Variants in MCOLN2 observed in about 807,000 individuals in gnomAD.
MCOLN2 encodes mucolipin-2.
In MCOLN2, 57 loss-of-function variants were observed where a neutral mutation model predicts 67.5. That is an observed-to-expected ratio of 0.84 (90% CI 0.68 to 1.05). The LOEUF is 1.05. Ranked by LOEUF, MCOLN2 falls within the 50% of genes least tolerant of loss-of-function variation. The probability of loss-of-function intolerance (pLI) is 0.00; values close to 1 mark genes in which losing one functional copy is unlikely to be tolerated. For missense variants in MCOLN2, 620 were observed against 678.8 expected (o/e 0.91, Z 0.96); for synonymous variants, 246 against 233.3 (o/e 1.05, Z -0.50).
At chr1:84,942,040 C>T (rs966379723) in intron 7 of MCOLN2, among the ~76,000 whole-genome samples, 1 of 152,220 alleles carries the variant, frequency 6.6e-6, no homozygotes, top group Non-Finnish European at 1.5e-5. Context: ...GCTCTCACCT[C>T]AGGGACTTTG....
At chr1:84,965,450 A>AGTGT in intron 2 of MCOLN2, 99 bp downstream of exon 2, 1 of 1,296,532 alleles carries the variant, frequency 7.7e-7, no homozygotes, top group Non-Finnish European at 1.1e-6. Flanking sequence ...TATGAACTTG[A>AGTGT]GTGTGGGCTT....
At chr1:84,966,097 C>T (rs1449611706) in intron 1 of MCOLN2, among the ~76,000 whole-genome samples, 1 of 151,718 alleles carries the variant, frequency 6.6e-6, no homozygotes, top group East Asian at 1.9e-4. Context: ...TACTAAAATA[C>T]AAAAATTAGC....
chr1:84,926,864 G>A (rs147091184), intron 13 of MCOLN2, 143 bp from the exon 14 acceptor site: 812 of 468,042 alleles, frequency 1.7e-3, no homozygotes, highest in South Asian at 3.1e-3. Context: ...AATTAAGACA[G>A]GCAAGGTATT....
chr1:84,964,353 C>A (rs905312754), intron 2 of MCOLN2, among the ~76,000 whole-genome samples: 18 of 152,130 alleles, frequency 1.2e-4, no homozygotes, highest in African/African-American at 4.3e-4. Context: ...CTTTACACAC[C>A]TCTACACTGA....
At chr1:84,965,114 T>C (rs1649307375) in intron 2 of MCOLN2, among the ~76,000 whole-genome samples, 1 of 152,198 alleles carries the variant, frequency 6.6e-6, no homozygotes, top group African/African-American at 2.4e-5. Context: ...GTAGCTTTTG[T>C]ATAATCCTGA....
intron 1 of MCOLN2, among the ~76,000 whole-genome samples, chr1:84,987,470 A>ATAT (rs1491214806): frequency 1.0e-5 from 1 of 99,962 alleles, no homozygotes; most frequent in South Asian, 3.4e-4. Flanking sequence ...ATGTATATAT[A>ATAT]GATATATATA....
At chr1:84,941,030 T>C (rs1398029595) in intron 7 of MCOLN2, 39 bp from the exon 8 acceptor site, 1 of 1,291,370 alleles carries the variant, frequency 7.7e-7, no homozygotes. Context: ...AAACACACCT[T>C]ACCGGAGAAT....
intron 13 of MCOLN2, among the ~76,000 whole-genome samples, chr1:84,927,398 C>T (rs1156932444): frequency 2.6e-5 from 4 of 152,202 alleles, no homozygotes; most frequent in African/African-American, 7.2e-5. Context: ...TTCAACCAAG[C>T]ATCTCTCTCC....
chr1:84,964,870 G>A (rs1042127513), intron 2 of MCOLN2, among the ~76,000 whole-genome samples: 1 of 131,002 alleles, frequency 7.6e-6, no homozygotes, highest in Non-Finnish European at 1.7e-5. Context: ...GCCATGGGGA[G>A]CAGCTAAAAA....
At chr1:84,952,726 TA>T (rs1434930742) in intron 4 of MCOLN2, among the ~76,000 whole-genome samples, 196 bp from the exon 5 acceptor site, 1 of 152,168 alleles carries the variant, frequency 6.6e-6, no homozygotes, top group African/African-American at 2.4e-5. Flanking sequence ...GACACCACAC[TA>T]ACCAAGTGAT....
intron 2 of MCOLN2, among the ~76,000 whole-genome samples, chr1:84,964,768 C>T (rs192545118): frequency 7.2e-4 from 110 of 152,226 alleles, no homozygotes; most frequent in African/African-American, 2.5e-3. Context: ...CTAGATCCTT[C>T]GCATGTGCAG....
intron 8 of MCOLN2, 121 bp downstream of exon 8, chr1:84,940,758 G>A: frequency 1.6e-6 from 1 of 627,896 alleles, no homozygotes; most frequent in East Asian, 2.8e-5. Flanking sequence ...ACTACTCAAA[G>A]GAATCTGATT....
chr1:84,947,957 G>A (rs1648205774), intron 6 of MCOLN2, among the ~76,000 whole-genome samples: 1 of 152,272 alleles, frequency 6.6e-6, no homozygotes, highest in Non-Finnish European at 1.5e-5. Flanking sequence ...CCTGGGAACA[G>A]GCAGAAGTGC....
At chr1:84,946,340 C>T (rs1156285748) in intron 7 of MCOLN2, among the ~76,000 whole-genome samples, 1 of 152,156 alleles carries the variant, frequency 6.6e-6, no homozygotes, top group African/African-American at 2.4e-5. Context: ...CTCACTAAGG[C>T]ATTTTCTTCC....
At chr1:84,981,632 T>C (rs1020109339) in intron 1 of MCOLN2, among the ~76,000 whole-genome samples, 6 of 151,676 alleles carry the variant, frequency 4.0e-5, no homozygotes, top group Admixed American at 3.9e-4. Context: ...ACAGAGAGAG[T>C]AGAAGGATGG....
At chr1:84,988,602 G>A (rs1329412122) in intron 1 of MCOLN2, among the ~76,000 whole-genome samples, 2 of 152,214 alleles carry the variant, frequency 1.3e-5, no homozygotes, top group South Asian at 2.1e-4. Context: ...CCCCATCACT[G>A]TCTATGCACT....
At chr1:84,957,708 G>A (rs943991285) in intron 3 of MCOLN2, among the ~76,000 whole-genome samples, 1 of 152,132 alleles carries the variant, frequency 6.6e-6, no homozygotes, top group Non-Finnish European at 1.5e-5. Context: ...GCTCAGCTTT[G>A]CTCATCAACA....
Position 84,925,935 on chromosome 1 carries a change from G to C in MCOLN2, c.*750C>G, listed in dbSNP as rs1318529742. The C allele has an allele frequency of 6.6e-6, 1 of 152,212 alleles. No homozygotes were observed. Among genetic ancestry groups the C allele is most frequent in the Admixed American group, 6.6e-5 (1 of 15,258 alleles). 9.4% of individuals were successfully genotyped at this position (152,212 alleles called of 1,614,324 possible). A position where few individuals can be genotyped will look rare whatever the true frequency, so the allele number is the denominator to read the frequency against. On this transcript the variant is annotated 3_prime_UTR_variant, in exon 14 of 14. Transcript: ENST00000370608. ...GACAGGATCTCACTCTGTCACCCAG[G>C]CTGGAGTGTAGTGGCACGATCATGG...
intron 11 of MCOLN2, among the ~76,000 whole-genome samples, chr1:84,932,246 A>T (rs1019846566): frequency 6.6e-6 from 1 of 151,940 alleles, no homozygotes; most frequent in African/African-American, 2.4e-5. Context: ...ACAGAGTCTT[A>T]CTCTGCCACC....
Sources: gnomAD v4.1 joint callset for allele counts (sites outside exome capture counted in the v4.1 genomes callset) on GRCh38, gnomAD v4.1.1 for gene constraint, MANE v1.5 for transcripts, NCBI Gene and HGNC (gene_info 2026-07-23, HGNC 2026-07-21) for gene names.